BCAS3: variants seen among roughly 807,000 people sequenced by gnomAD.
The protein encoded by BCAS3 is BCAS4/BCAS3 fusion.
In BCAS3, 53 loss-of-function variants were observed where a neutral mutation model predicts 116.1. That is an observed-to-expected ratio of 0.46 (90% confidence interval 0.37 to 0.57). The LOEUF (loss-of-function observed/expected upper bound fraction) is 0.57. Among genes scored for constraint, BCAS3 ranks in the 20% least tolerant of loss-of-function variants. The probability of loss-of-function intolerance (pLI) is 0.00; values close to 1 mark genes in which losing one functional copy is unlikely to be tolerated. For missense variants in BCAS3, 917 were observed against 1,165.4 expected (o/e 0.79, Z 3.10); for synonymous variants, 391 against 408.2 (o/e 0.96, Z 0.51).
At chr17:60,901,962 T>A (rs2057925819) in intron 10 of BCAS3, among the ~76,000 whole-genome samples, 1 of 152,216 alleles carries the variant, frequency 6.6e-6, no homozygotes, top group African/African-American at 2.4e-5. Flanking sequence ...TTGCGTAGCA[T>A]GTGAAATAAT....
chr17:61,271,569 G>A (rs1297548068), intron 22 of BCAS3, among the ~76,000 whole-genome samples: 3 of 149,830 alleles, frequency 2.0e-5, no homozygotes, highest in Admixed American at 6.7e-5. Context: ...GATTACAGGC[G>A]CCCGCCATCA....
At chr17:61,335,142 G>C (rs930481551) in intron 22 of BCAS3, among the ~76,000 whole-genome samples, 3 of 152,208 alleles carry the variant, frequency 2.0e-5, no homozygotes, top group East Asian at 3.9e-4. Context: ...AGTTGACTCA[G>C]CAAACTTCCC....
intron 22 of BCAS3, among the ~76,000 whole-genome samples, chr17:61,206,113 A>T (rs957919688): frequency 6.6e-6 from 1 of 152,186 alleles, no homozygotes; most frequent in Non-Finnish European, 1.5e-5. Flanking sequence ...GAAAGTTTGT[A>T]TAGGCCCCTC....
intron 13 of BCAS3, among the ~76,000 whole-genome samples, chr17:60,946,146 A>G (rs959747798): frequency 6.6e-6 from 1 of 152,182 alleles, no homozygotes; most frequent in Admixed American, 6.5e-5. Flanking sequence ...ACAAATAGCC[A>G]ATTGATCCTT....
In BCAS3 at chr17:61,140,584, C is replaced by CTTT. The variant is rs879500255; in HGVS notation, c.2425+56031_2425+56033dup. Among the ~76,000 whole-genome samples, 1 of 146,368 alleles carries CTTT rather than the reference C, an allele frequency of 6.8e-6. No individual in the cohort carries two copies. ...CACATAAAAGTTGCTTATCTCTCCA[C>CTTT]TTTTTTTTTTTTTCTGGAGAAACAG... On this transcript the variant is annotated intron_variant, in intron 22 of 23. Coordinates refer to ENST00000407086, the MANE Select transcript of BCAS3 (RefSeq NM_017679.5). This position sits in a 1 kb window ranked among gnomAD's most constrained non-coding sequence, Gnocchi z 4.2.
intron 22 of BCAS3, among the ~76,000 whole-genome samples, chr17:61,138,461 TAC>T (rs1384445995): frequency 6.6e-6 from 1 of 152,226 alleles, no homozygotes; most frequent in Non-Finnish European, 1.5e-5. Flanking sequence ...CTATGTGACT[TAC>T]ACACAGACCA....
In BCAS3 at chr17:61,020,307, C is replaced by T. The variant is rs900782066; in HGVS notation, c.1637+4406C>T. ...GTGTCAGGGACCATCTGTCTCACTG[C>T]GAGACATACATGAGGCCAGTAGAAC... On this transcript the variant is annotated intron_variant, in intron 16 of 23. Transcript: ENST00000407086. The surrounding 1 kb of genome is among the most constrained non-coding windows in gnomAD (Gnocchi z 4.5). 3.9e-5 allele frequency among the ~76,000 whole-genome samples: 6 copies of T among 152,126 alleles called. No homozygotes were observed. The highest frequency in any genetic ancestry group is 1.2e-4 in the African/African-American group (5 of 41,422).
chr17:61,231,291 T>G (rs1317528054), intron 22 of BCAS3, among the ~76,000 whole-genome samples: 1 of 152,162 alleles, frequency 6.6e-6, no homozygotes, highest in East Asian at 1.9e-4. Context: ...AATTTTTTGC[T>G]TGTTGATTTA....
intron 6 of BCAS3, among the ~76,000 whole-genome samples, chr17:60,806,479 G>A (rs2048299648): frequency 1.3e-5 from 2 of 151,792 alleles, no homozygotes; most frequent in South Asian, 4.2e-4. Flanking sequence ...TTTGTCCTGA[G>A]CTCCTTAATA....
At chr17:61,175,059 G>A (rs1239830370) in intron 22 of BCAS3, among the ~76,000 whole-genome samples, 1 of 152,196 alleles carries the variant, frequency 6.6e-6, no homozygotes, top group Non-Finnish European at 1.5e-5. Flanking sequence ...CAGCTTGAAG[G>A]CTGACAAAGA....
At chr17:60,763,213 C>T (rs765414021) in intron 6 of BCAS3, among the ~76,000 whole-genome samples, 2 of 152,154 alleles carry the variant, frequency 1.3e-5, no homozygotes, top group Non-Finnish European at 2.9e-5. Flanking sequence ...ATTGCCCTGG[C>T]CAGAACTTCC....
rs1192219872 is a variant in BCAS3 at position 60,964,189 on chromosome 17, ATTATT to A, written c.1221+16840_1221+16844del. ...TGTGGATTTGTCATATATGGTCTTT[ATTATT>A]TTGAAGTATGTTGTTTCTATACCCA... is the stretch of plus-strand genomic sequence containing the variant. On this transcript the variant is annotated intron_variant, in intron 14 of 23. Coordinates refer to ENST00000407086, the MANE Select transcript of BCAS3 (RefSeq NM_017679.5). This position sits in a 1 kb window ranked among gnomAD's most constrained non-coding sequence, Gnocchi z 4.6. Among the ~76,000 whole-genome samples, 2 of 151,994 alleles carry A rather than the reference ATTATT, an allele frequency of 1.3e-5. No individual in the cohort carries two copies. The highest frequency in any genetic ancestry group is 4.8e-5 in the African/African-American group (2 of 41,372).
At chr17:61,183,670 G>T (rs1368133466) in intron 22 of BCAS3, among the ~76,000 whole-genome samples, 1 of 152,216 alleles carries the variant, frequency 6.6e-6, no homozygotes, top group East Asian at 1.9e-4. Context: ...TCCAGAAAAA[G>T]AAAGAGGGAG....
chr17:61,262,414 T>C (rs1400854781), intron 22 of BCAS3, among the ~76,000 whole-genome samples: 1 of 151,258 alleles, frequency 6.6e-6, no homozygotes, highest in African/African-American at 2.4e-5. Flanking sequence ...TAATTCTCAC[T>C]CTTTCGCCCA....
chr17:61,380,669 C>A lies in BCAS3; in HGVS notation c.2594-11308C>A. 1 of 1,141,254 alleles carries A rather than the reference C, an allele frequency of 8.8e-7. No homozygotes were observed. Among genetic ancestry groups the A allele is most frequent in the South Asian group, 1.3e-5 (1 of 76,398 alleles). The allele number at this position is 1,141,254 out of a possible 1,614,324, so 70.7% of individuals were successfully genotyped here. A position where few individuals can be genotyped will look rare whatever the true frequency, so the allele number is the denominator to read the frequency against. The stretch of plus-strand genomic sequence containing the variant: ...CCTCCTACCCCCTCGTGCCCAGGCC[C>A]AGGAGCACTCTAGGGAGGGCAGGGG... On this transcript the variant is annotated intron_variant, in intron 23 of 23. Transcript: ENST00000407086. The surrounding 1 kb of genome is among the most constrained non-coding windows in gnomAD (Gnocchi z 4.2).
At chr17:61,046,001 AATATATATATTT>A (rs1160758807) in intron 19 of BCAS3, among the ~76,000 whole-genome samples, 1 of 9,346 alleles carries the variant, frequency 1.1e-4, no homozygotes, top group Non-Finnish European at 1.5e-4. Context: ...ATATATATAT[AATATATATATTT>A]ATATATATAT....
rs889041549 is a variant in BCAS3 at position 61,056,511 on chromosome 17, G to C, written c.2029+15619G>C. ...AAAGTATTTAAAATAAATTTATAAA[G>C]TATAAAAATTCTTTTATAGATATTT... is the stretch of plus-strand genomic sequence containing the variant. On this transcript the variant is annotated intron_variant, in intron 19 of 23. Transcript: ENST00000407086. The surrounding 1 kb of genome is among the most constrained non-coding windows in gnomAD (Gnocchi z 4.9). Among the ~76,000 whole-genome samples the C allele has an allele frequency of 4.6e-5, 7 of 151,908 alleles. No individual in the cohort carries two copies. The highest frequency in any genetic ancestry group is 7.2e-5 in the African/African-American group (3 of 41,402).
At chr17:60,989,833 ATTTT>A in intron 14 of BCAS3, 134 bp from the exon 15 acceptor site, 1 of 932,978 alleles carries the variant, frequency 1.1e-6, no homozygotes. Context: ...TGTAGAGTAA[ATTTT>A]TATTTATTAC....
In BCAS3 at chr17:60,960,449, A is replaced by G. The variant is rs1433088507; in HGVS notation, c.1221+13097A>G. On this transcript the variant is annotated intron_variant, in intron 14 of 23. Coordinates refer to ENST00000407086, the MANE Select transcript of BCAS3 (RefSeq NM_017679.5). The surrounding 1 kb of genome is among the most constrained non-coding windows in gnomAD (Gnocchi z 4.1). ...AGGATATGCGTAGGATAGACATTTCAAAAGGAAGAAATGGAAAAGAATAAA... is the reference window on the plus strand; with the variant it reads ...AGGATATGCGTAGGATAGACATTTCGAAAGGAAGAAATGGAAAAGAATAAA... Among the ~76,000 whole-genome samples, 2 of 152,216 alleles carry G rather than the reference A, an allele frequency of 1.3e-5. No homozygotes were observed. Among genetic ancestry groups the G allele is most frequent in the Non-Finnish European group, 2.9e-5 (2 of 68,044 alleles).
Sources: gnomAD v4.1 joint callset for allele counts (sites outside exome capture counted in the v4.1 genomes callset) on GRCh38, gnomAD v4.1.1 for gene constraint, Gnocchi (gnomAD v3.1) non-coding constraint, MANE v1.5 for transcripts, NCBI Gene and HGNC (gene_info 2026-07-23, HGNC 2026-07-21) for gene names.